Variants in IL1RAPL2 observed in about 807,000 individuals in gnomAD.
The protein encoded by IL1RAPL2 is X-linked interleukin-1 receptor accessory protein-like 2.
In IL1RAPL2, 3 loss-of-function variants were observed where a neutral mutation model predicts 44.1. The observed-to-expected ratio is 0.07, with a 90% CI of 0.03 to 0.18. The LOEUF (loss-of-function observed/expected upper bound fraction) is 0.18. Ranked by LOEUF, IL1RAPL2 falls within the 10% of genes least tolerant of loss-of-function variation. The pLI, the probability that IL1RAPL2 is intolerant of heterozygous loss-of-function variation, is 1.00. For missense variants in IL1RAPL2, 391 were observed against 496.4 expected (o/e 0.79, Z 2.02); for synonymous variants, 181 against 178.8 (o/e 1.01, Z -0.10).
intron 2 of IL1RAPL2, among the ~76,000 whole-genome samples, chrX:104,866,082 G>T (rs1317960437): frequency 8.9e-6 from 1 of 111,898 alleles, no homozygotes; most frequent in African/African-American, 3.2e-5. Context: ...CTTTCCAGTG[G>T]CTATTGAATG....
chrX:105,553,460 G>A (rs956421469), intron 6 of IL1RAPL2, among the ~76,000 whole-genome samples: 8 of 111,703 alleles, frequency 7.2e-5, no homozygotes, highest in African/African-American at 2.6e-4. Context: ...AGTGGGCTGA[G>A]CTAATGCCCA....
chrX:105,444,992 G>C (rs971295122), intron 5 of IL1RAPL2, among the ~76,000 whole-genome samples: 4 of 111,743 alleles, frequency 3.6e-5, no homozygotes, highest in Admixed American at 1.9e-4. Context: ...CAAATGTTTG[G>C]TAGAATACAG....
intron 1 of IL1RAPL2, among the ~76,000 whole-genome samples, chrX:104,568,509 G>A (rs968657822): frequency 2.7e-5 from 3 of 112,037 alleles, no homozygotes; most frequent in South Asian, 7.6e-4. Context: ...CGACCCGTAC[G>A]GTGTGAACTC....
intron 1 of IL1RAPL2, among the ~76,000 whole-genome samples, chrX:104,586,275 C>T (rs1928561470): frequency 2.7e-5 from 3 of 111,128 alleles, no homozygotes; most frequent in Non-Finnish European, 5.7e-5. Flanking sequence ...GTGTCCTTTG[C>T]CCACTTTTTA....
At position 104,729,518 on chromosome X, in the gene IL1RAPL2, T is replaced by C. The variant is rs149441423; in HGVS notation, c.82+70523T>C. On this transcript the variant is annotated intron_variant, in intron 2 of 10. Transcript: ENST00000372582. ...TGGATTTTACATATTTTTAACTTTG[T>C]ATTTTAGTTTCATGGGTACATATAC... Among the ~76,000 whole-genome samples the C allele has an allele frequency of 2.9e-3, 303 of 105,273 alleles. 1 individual carries two copies. Among genetic ancestry groups the C allele is most frequent in the Non-Finnish European group, 5.0e-3 (255 of 51,298 alleles). The allele number at this position is 105,273 out of a possible 115,157, so 91.4% of individuals were successfully genotyped here. A position where few individuals can be genotyped will look rare whatever the true frequency, so the allele number is the denominator to read the frequency against.
At chrX:104,673,495 C>G (rs1334049380) in intron 2 of IL1RAPL2, among the ~76,000 whole-genome samples, 1 of 111,241 alleles carries the variant, frequency 9.0e-6, no homozygotes, top group Non-Finnish European at 1.9e-5. Context: ...GTTTTGGTTA[C>G]TGTAGCCTTG....
intron 6 of IL1RAPL2, among the ~76,000 whole-genome samples, chrX:105,675,543 C>A (rs1242681412): frequency 9.0e-6 from 1 of 111,713 alleles, no homozygotes; most frequent in Non-Finnish European, 1.9e-5. Context: ...TTTCATGATG[C>A]GCTGCTGCAT....
chrX:105,254,704 T>A (rs750766096), intron 4 of IL1RAPL2, among the ~76,000 whole-genome samples: 4 of 112,018 alleles, frequency 3.6e-5, no homozygotes, highest in Admixed American at 9.5e-5. Flanking sequence ...ATTTAATTCA[T>A]TAAACCATTT....
At chrX:105,232,176 G>A (rs143936333) in intron 3 of IL1RAPL2, among the ~76,000 whole-genome samples, 3 of 111,714 alleles carry the variant, frequency 2.7e-5, no homozygotes, top group Non-Finnish European at 5.6e-5. Context: ...AGTCAGGGGT[G>A]CTTGCCAGAA....
intron 2 of IL1RAPL2, among the ~76,000 whole-genome samples, chrX:104,719,678 C>T (rs143764597): frequency 1.8e-5 from 2 of 111,520 alleles, no homozygotes; most frequent in East Asian, 2.8e-4. Flanking sequence ...CCACAATGAC[C>T]GCTTCACCCT....
At chrX:104,709,864 G>A (rs1009871783) in intron 2 of IL1RAPL2, among the ~76,000 whole-genome samples, 13 of 110,521 alleles carry the variant, frequency 1.2e-4, no homozygotes, top group Non-Finnish European at 2.1e-4. Context: ...AAGAAGATAC[G>A]TAAATTGCAA....
At chrX:104,673,402 A>G (rs1930664218) in intron 2 of IL1RAPL2, among the ~76,000 whole-genome samples, 2 of 110,982 alleles carry the variant, frequency 1.8e-5, no homozygotes, top group South Asian at 3.8e-4. Context: ...AAGATCAGAT[A>G]GTTGTAGATA....
chrX:105,701,831 G>A (rs1310558727), intron 6 of IL1RAPL2, among the ~76,000 whole-genome samples: 1 of 111,492 alleles, frequency 9.0e-6, no homozygotes, highest in Non-Finnish European at 1.9e-5. Flanking sequence ...GTTTTGCTGT[G>A]TTTTCCTCTT....
chrX:105,732,341 G>T (rs1258472040), intron 7 of IL1RAPL2, among the ~76,000 whole-genome samples: 1 of 111,053 alleles, frequency 9.0e-6, no homozygotes, highest in Non-Finnish European at 1.9e-5. Flanking sequence ...CTGGTGGGAG[G>T]TGATTGGATC....
intron 6 of IL1RAPL2, among the ~76,000 whole-genome samples, chrX:105,704,564 C>G: frequency 9.0e-6 from 1 of 111,510 alleles, no homozygotes; most frequent in Non-Finnish European, 1.9e-5. Context: ...CTTGTCTATG[C>G]TATTTTGTCC....
At chrX:104,668,183 C>A (rs946820677) in intron 2 of IL1RAPL2, among the ~76,000 whole-genome samples, 4 of 110,958 alleles carry the variant, frequency 3.6e-5, no homozygotes, top group African/African-American at 9.8e-5. Context: ...GTTTTGAATA[C>A]CTCCACAATT....
At chrX:105,027,399 G>A (rs968978700) in intron 2 of IL1RAPL2, among the ~76,000 whole-genome samples, 7 of 111,211 alleles carry the variant, frequency 6.3e-5, no homozygotes, top group African/African-American at 2.3e-4. Context: ...CACAGAATGG[G>A]AGAAAATAAT....
At chrX:105,470,572 C>A (rs1184247745) in intron 5 of IL1RAPL2, among the ~76,000 whole-genome samples, 1 of 112,010 alleles carries the variant, frequency 8.9e-6, no homozygotes, top group Non-Finnish European at 1.9e-5. Context: ...CCCAGCCACC[C>A]AGCTTAATTT....
chrX:105,637,222 A>G (rs1242173707), intron 6 of IL1RAPL2, among the ~76,000 whole-genome samples: 1 of 111,755 alleles, frequency 8.9e-6, no homozygotes, highest in East Asian at 2.8e-4. Flanking sequence ...CTCTGCATAT[A>G]CACCACTCAT....
Sources: gnomAD v4.1 joint callset for allele counts (sites outside exome capture counted in the v4.1 genomes callset) on GRCh38, gnomAD v4.1.1 for gene constraint, MANE v1.5 for transcripts, NCBI Gene and HGNC (gene_info 2026-07-23, HGNC 2026-07-21) for gene names.